Variants in ATP2B4 observed in about 807,000 individuals in gnomAD.
ATP2B4 encodes the protein ATPase plasma membrane Ca2+ transporting 4.
Under a neutral mutation model 110.3 loss-of-function variants are expected in ATP2B4, and 39 were observed. The observed-to-expected ratio is 0.35, with a 90% CI of 0.27 to 0.46. ATP2B4 has a LOEUF of 0.46. Ranked by LOEUF, ATP2B4 falls within the 20% of genes least tolerant of loss-of-function variation. The pLI is 1.00. For missense variants in ATP2B4, 1,135 were observed against 1,530.9 expected (o/e 0.74, Z 4.32); for synonymous variants, 538 against 571.7 (o/e 0.94, Z 0.84).
chr1:203,665,114 C>T (rs180840332), intron 1 of ATP2B4, among the ~76,000 whole-genome samples: 4 of 152,302 alleles, frequency 2.6e-5, no homozygotes, highest in East Asian at 3.9e-4. Flanking sequence ...CCACCGCACC[C>T]GGCCCTTAAG....
intron 2 of ATP2B4, among the ~76,000 whole-genome samples, chr1:203,689,845 C>G (rs1665312688): frequency 6.6e-6 from 1 of 151,842 alleles, no homozygotes; most frequent in Non-Finnish European, 1.5e-5. Context: ...GTGTAGGGAC[C>G]TAAGCTGAAG....
At chr1:203,728,928 G>C (rs2102228343) in intron 20 of ATP2B4, among the ~76,000 whole-genome samples, 1 of 151,004 alleles carries the variant, frequency 6.6e-6, no homozygotes, top group African/African-American at 2.4e-5. Flanking sequence ...AAGGCAGGTG[G>C]ATCCCCTGCC....
chr1:203,705,694 G>T (rs1665829580), intron 8 of ATP2B4, among the ~76,000 whole-genome samples: 1 of 152,196 alleles, frequency 6.6e-6, no homozygotes, highest in Non-Finnish European at 1.5e-5. Context: ...TGGGATTATA[G>T]GCGTGAGCCA....
At chr1:203,715,951 G>A (rs1666148401) in intron 15 of ATP2B4, among the ~76,000 whole-genome samples, 1 of 144,322 alleles carries the variant, frequency 6.9e-6, no homozygotes, top group Admixed American at 6.9e-5. Flanking sequence ...CCCCACCCCA[G>A]ATTTACTGAA....
chr1:203,679,030 A>G (rs1312071289), intron 1 of ATP2B4, among the ~76,000 whole-genome samples: 2 of 152,082 alleles, frequency 1.3e-5, no homozygotes, highest in Non-Finnish European at 1.5e-5. Context: ...CCTAGGAGGA[A>G]GAGATGAGAG....
At position 203,635,203 on chromosome 1, in the gene ATP2B4, A is replaced by G. The variant is rs571493611; in HGVS notation, c.-465+7984A>G. ...TGGTCAGGCTGGTCTCAAACTCCCA[A>G]CCTCAGGTGATCCACCCTCCTCAGC... On this transcript the variant is annotated intron_variant, in intron 1 of 20. Coordinates refer to ENST00000357681, the MANE Select transcript of ATP2B4 (RefSeq NM_001684.5). Among the ~76,000 whole-genome samples the G allele has an allele frequency of 1.6e-4, 24 of 151,914 alleles. No homozygotes were observed. The East Asian group carries it at 4.5e-3, about 28-fold the overall frequency.
chr1:203,673,444 C>T (rs757717539), intron 1 of ATP2B4, among the ~76,000 whole-genome samples: 3 of 152,160 alleles, frequency 2.0e-5, no homozygotes, highest in African/African-American at 7.2e-5. Flanking sequence ...ATAAAACAGG[C>T]GCAGAGGGGT....
In ATP2B4 at chr1:203,710,819, T is replaced by C. The variant is rs976179882; in HGVS notation, c.1800-58T>C. 16 of 1,343,712 alleles carry C rather than the reference T, an allele frequency of 1.2e-5. No individual in the cohort carries two copies. The Admixed American group carries it at 2.3e-4, about 20-fold the overall frequency. The allele number at this position is 1,343,712 out of a possible 1,614,324, so 83.2% of individuals were successfully genotyped here. A position where few individuals can be genotyped will look rare whatever the true frequency, so the allele number is the denominator to read the frequency against. On this transcript the variant is annotated intron_variant, in intron 11 of 20. Transcript: ENST00000357681. Reference sequence around the variant, plus strand: ...AGTTGCCAAAATACCTGTCAATGATTGTAGAAACGTATTGAGTGGGAAGGG... The same window carrying C: ...AGTTGCCAAAATACCTGTCAATGATCGTAGAAACGTATTGAGTGGGAAGGG...
Position 203,683,311 on chromosome 1 carries a change from C to T in ATP2B4, c.106C>T (p.Arg36Cys), listed in dbSNP as rs774860823. The change falls in exon 2 of 21, where the codon CGT becomes TGT. Residue 36 changes from arginine (R) to cysteine (C), a missense_variant. Physicochemically the swap from Arg to Cys is radical, Grantham distance 180. This residue lies in a region of ATP2B4 where 122 missense variants were observed against 125.2 expected (regional missense o/e 0.97). Coordinates refer to ENST00000357681, the MANE Select transcript of ATP2B4 (RefSeq NM_001684.5). ...GGAACTGAGGAAGCTCATGGAGCTG[C>T]GTTCAAGGGATGCACTGACCCAGAT... ...VMELRKLMEL[R>C]SRDALTQINV... 8 of 1,614,162 alleles carry T rather than the reference C, an allele frequency of 5.0e-6. No homozygotes were observed. Among genetic ancestry groups the T allele is most frequent in the East Asian group, 2.2e-5 (1 of 44,876 alleles).
rs1208334590 is a variant in ATP2B4, at chr1:203,673,214, A to G, written c.-464-9528A>G. ...GAACTTGTTAGGAGTGCACCTTCCC[A>G]GGCCCCACCTCCGTTCTTGTGCACC... On this transcript the variant is annotated intron_variant, in intron 1 of 20. Coordinates refer to ENST00000357681, the MANE Select transcript of ATP2B4 (RefSeq NM_001684.5). Among the ~76,000 whole-genome samples the G allele has an allele frequency of 2.0e-5, 3 of 152,284 alleles. No homozygotes were observed. In the East Asian group the frequency reaches 5.8e-4, roughly 29 times the overall value.
At chr1:203,725,034 C>G (rs796558017) in intron 19 of ATP2B4, among the ~76,000 whole-genome samples, 6 of 151,772 alleles carry the variant, frequency 4.0e-5, no homozygotes, top group African/African-American at 1.4e-4. Flanking sequence ...ACCACCACCG[C>G]ACCTGGCTAA....
At chr1:203,687,556 A>T (rs546670321) in intron 2 of ATP2B4, among the ~76,000 whole-genome samples, 21 of 152,308 alleles carry the variant, frequency 1.4e-4, no homozygotes, top group Admixed American at 1.2e-3. Flanking sequence ...CTAGCTGGAA[A>T]CCAAGGTGAA....
At position 203,709,493 on chromosome 1, in the gene ATP2B4, G is replaced by T; in HGVS notation, c.1750G>T (p.Gly584Cys). 6.2e-7 allele frequency: 1 copy of T among 1,614,124 alleles called. No individual in the cohort carries two copies. Among genetic ancestry groups the T allele is most frequent in the Admixed American group, 1.7e-5 (1 of 60,022 alleles). The change falls in exon 11 of 21, where the codon GGT (glycine) becomes TGT (cysteine). Residue 584 changes from glycine to cysteine, a missense_variant. Around this residue, in one of 9 missense-constraint regions of ATP2B4, gnomAD observed 368 missense variants for 455.9 expected, o/e 0.81. Coordinates refer to ENST00000357681, the MANE Select transcript of ATP2B4 (RefSeq NM_001684.5). Reference sequence around the variant, plus strand: ...GAGCACCGTCATCAGGAATCCCAACGGTGGCTTCCGTATGTACAGCAAGGG... The same window carrying T: ...GAGCACCGTCATCAGGAATCCCAACTGTGGCTTCCGTATGTACAGCAAGGG... ...SMSTVIRNPN[G>C]GFRMYSKGAS...
intron 20 of ATP2B4, among the ~76,000 whole-genome samples, chr1:203,732,339 G>A (rs548559452): frequency 2.2e-3 from 328 of 152,184 alleles, no homozygotes; most frequent in Non-Finnish European, 3.7e-3. Context: ...CCGAGTTACT[G>A]TCAGCATTTC....
At chr1:203,651,753 T>A (rs1302977712) in intron 1 of ATP2B4, among the ~76,000 whole-genome samples, 1 of 151,830 alleles carries the variant, frequency 6.6e-6, no homozygotes, top group Admixed American at 6.6e-5. Context: ...AGAGTGAGCC[T>A]GTATCTAAAT....
chr1:203,695,115 T>C (rs1665494376), intron 2 of ATP2B4, among the ~76,000 whole-genome samples: 1 of 152,172 alleles, frequency 6.6e-6, no homozygotes, highest in Non-Finnish European at 1.5e-5. Context: ...GCCCTCATAA[T>C]CATCTACTAA....
intron 20 of ATP2B4, among the ~76,000 whole-genome samples, chr1:203,730,311 T>C (rs1214568425): frequency 6.6e-6 from 1 of 151,412 alleles, no homozygotes; most frequent in African/African-American, 2.4e-5. Flanking sequence ...CTCTCTCAAG[T>C]TCCTCCTCTC....
intron 20 of ATP2B4, among the ~76,000 whole-genome samples, chr1:203,737,998 T>C (rs1170545606): frequency 4.6e-5 from 7 of 152,194 alleles, no homozygotes; most frequent in African/African-American, 1.7e-4. Context: ...ACCAGTTTAT[T>C]TGGCTGACTC....
chr1:203,678,931 T>C (rs1664913389), intron 1 of ATP2B4, among the ~76,000 whole-genome samples: 1 of 152,164 alleles, frequency 6.6e-6, no homozygotes, highest in South Asian at 2.1e-4. Flanking sequence ...TCACACGTCA[T>C]CTACAAATTA....
Sources: gnomAD v4.1 joint callset for allele counts (sites outside exome capture counted in the v4.1 genomes callset) on GRCh38, gnomAD v4.1.1 for gene constraint, gnomAD v4.1.1 regional missense constraint, MANE v1.5 for transcripts, NCBI Gene and HGNC (gene_info 2026-07-23, HGNC 2026-07-21) for gene names.